CTNNA3: variants seen among roughly 807,000 people sequenced by gnomAD.
CTNNA3 encodes the protein catenin alpha 3.
A neutral mutation model predicts 95.7 loss-of-function variants in CTNNA3; 76 were observed. The observed-to-expected ratio is 0.79, with a 90% CI of 0.66 to 0.96. CTNNA3 has a LOEUF of 0.96. Among genes scored for constraint, CTNNA3 ranks in the 40% least tolerant of loss-of-function variants. CTNNA3 has a pLI of 0.00. For missense variants in CTNNA3, 1,191 were observed against 1,089.8 expected, an observed-to-expected ratio of 1.09 and a Z score of -1.31; for synonymous variants, 431 against 374.4, an observed-to-expected ratio of 1.15 and a Z score of -1.74.
intron 1 of CTNNA3, among the ~76,000 whole-genome samples, chr10:67,712,461 C>A (rs569040107): frequency 1.3e-5 from 2 of 152,334 alleles, no homozygotes; most frequent in South Asian, 2.1e-4. Flanking sequence ...AGAATGGTTT[C>A]ATGGGCTGGG....
intron 1 of CTNNA3, among the ~76,000 whole-genome samples, chr10:67,726,319 A>ATGATATTATCTTACATATTATATATGG: frequency 1.3e-5 from 1 of 77,240 alleles, no homozygotes; most frequent in South Asian, 4.1e-4. Context: ...CATATTATAT[A>ATGATATTATCTTACATATTATATATGG]TATTATCTTA....
Position 67,236,719 on chromosome 10 carries a change from A to G in CTNNA3, c.580-16849T>C, listed in dbSNP as rs573790593. 3.3e-5 allele frequency among the ~76,000 whole-genome samples: 5 copies of G among 152,196 alleles called. No individual in the cohort carries two copies. The South Asian group carries it at 1.0e-3, about 32-fold the overall frequency. On this transcript the variant is annotated intron_variant, in intron 5 of 17. Transcript: ENST00000433211. ...GAAGATATACAAATGGCCAACAAAC[A>G]TATGAAAAAATGCACATCACTAATG...
chr10:66,346,825 G>A lies in CTNNA3; in HGVS notation c.1732+32327C>T, dbSNP rs191724386. 2.0e-3 allele frequency among the ~76,000 whole-genome samples: 308 copies of A among 152,158 alleles called. 1 individual carries two copies. The highest frequency in any genetic ancestry group is 7.2e-3 in the African/African-American group (299 of 41,540). On this transcript the variant is annotated intron_variant, in intron 12 of 17. Transcript: ENST00000433211. ...GACTCATTGAAGGTGTTAGGTTGGG[G>A]AAAGAGTTGTAACCAAGTGTGAAAG... is the stretch of plus-strand genomic sequence containing the variant.
intron 16 of CTNNA3, among the ~76,000 whole-genome samples, chr10:65,974,172 G>A (rs2394154): frequency 0.86 from 130,408 of 152,180 alleles, 56,105 homozygotes; most frequent in African/African-American, 0.9. Flanking sequence ...CACTGTAGAA[G>A]GCAGTTTGGA....
intron 16 of CTNNA3, among the ~76,000 whole-genome samples, chr10:65,981,938 C>T (rs1223012515): frequency 1.3e-5 from 2 of 151,778 alleles, no homozygotes; most frequent in Non-Finnish European, 2.9e-5. Context: ...CTGGTTTCGG[C>T]AAAGACTCTG....
At chr10:66,734,175 A>G (rs1246048360) in intron 9 of CTNNA3, among the ~76,000 whole-genome samples, 5 of 151,966 alleles carry the variant, frequency 3.3e-5, no homozygotes, top group African/African-American at 1.2e-4. Context: ...GACTTTTTAA[A>G]GAAACTTCTT....
In CTNNA3 at chr10:66,722,294, T is replaced by C. The variant is rs190507643; in HGVS notation, c.1281+43970A>G. Among the ~76,000 whole-genome samples, 64 of 151,138 alleles carry C rather than the reference T, an allele frequency of 4.2e-4. 2 individuals carry two copies. The East Asian group carries it at 0.012, about 28-fold the overall frequency. On this transcript the variant is annotated intron_variant, in intron 9 of 17. Transcript: ENST00000433211. ...TGAGGAGGCTGAGGCAGGAGAAGGA[T>C]GTGAACCTGGGAGGCGGAGCTTGCA...
At chr10:67,165,508 C>T (rs899735263) in intron 7 of CTNNA3, among the ~76,000 whole-genome samples, 7 of 152,050 alleles carry the variant, frequency 4.6e-5, no homozygotes, top group Non-Finnish European at 1.0e-4. Context: ...TAATTTATGT[C>T]AATATGTCAA....
At chr10:66,038,745 C>G (rs1030482900) in intron 15 of CTNNA3, among the ~76,000 whole-genome samples, 1 of 151,992 alleles carries the variant, frequency 6.6e-6, no homozygotes, top group Non-Finnish European at 1.5e-5. Flanking sequence ...CTGGATACCT[C>G]AAAATAATAA....
intron 17 of CTNNA3, among the ~76,000 whole-genome samples, chr10:65,954,977 C>T (rs2077699031): frequency 6.6e-6 from 1 of 152,110 alleles, no homozygotes; most frequent in South Asian, 2.1e-4. Flanking sequence ...TTATCTTGGG[C>T]AGTATGACCA....
At chr10:66,206,252 A>T (rs1006506073) in intron 13 of CTNNA3, among the ~76,000 whole-genome samples, 5 of 151,906 alleles carry the variant, frequency 3.3e-5, no homozygotes, top group Admixed American at 3.3e-4. Flanking sequence ...TATAACACCA[A>T]CTTAGTCACT....
At chr10:66,145,646 C>T (rs1258004773) in intron 13 of CTNNA3, among the ~76,000 whole-genome samples, 1 of 152,150 alleles carries the variant, frequency 6.6e-6, no homozygotes, top group Admixed American at 6.5e-5. Flanking sequence ...TTTCATTGCA[C>T]TAACTTGGAC....
At chr10:67,291,277 C>T (rs963868913) in intron 5 of CTNNA3, among the ~76,000 whole-genome samples, 2 of 151,964 alleles carry the variant, frequency 1.3e-5, no homozygotes, top group Non-Finnish European at 2.9e-5. Context: ...ATAAAAATAA[C>T]CCCACTAATA....
intron 16 of CTNNA3, among the ~76,000 whole-genome samples, chr10:65,980,729 A>T (rs537305702): frequency 6.6e-6 from 1 of 152,040 alleles, no homozygotes; most frequent in Non-Finnish European, 1.5e-5. Context: ...ACATAAAAAA[A>T]TTTTAAAAAT....
chr10:67,302,580 G>A (rs1195707140), intron 5 of CTNNA3, among the ~76,000 whole-genome samples: 1 of 152,088 alleles, frequency 6.6e-6, no homozygotes, highest in Non-Finnish European at 1.5e-5. Context: ...TGGTAAATAA[G>A]TTATCACTGA....
chr10:66,352,232 T>C (rs942663011), intron 12 of CTNNA3, among the ~76,000 whole-genome samples: 13 of 152,084 alleles, frequency 8.5e-5, no homozygotes, highest in Admixed American at 7.9e-4. Context: ...GACTCAAACA[T>C]ACATGGGCTC....
At chr10:67,098,794 A>G (rs978966925) in intron 7 of CTNNA3, 2 of 151,934 alleles carry the variant, frequency 1.3e-5, no homozygotes, top group African/African-American at 4.8e-5. Flanking sequence ...ATAATTGTAC[A>G]GTAGCAATTT....
intron 5 of CTNNA3, among the ~76,000 whole-genome samples, chr10:67,236,734 C>G (rs987541759): frequency 1.3e-5 from 2 of 151,678 alleles, no homozygotes; most frequent in African/African-American, 4.8e-5. Context: ...AAAAAATGCA[C>G]ATCACTAATG....
At position 65,915,616 on chromosome 10, in the gene CTNNA3, C is replaced by G. The variant is rs564909202; in HGVS notation, c.*4714G>C. The G allele has an allele frequency of 6.6e-6, 1 of 152,144 alleles. No individual in the cohort carries two copies. The highest frequency in any genetic ancestry group is 2.4e-5 in the African/African-American group (1 of 41,438). The allele number at this position is 152,144 out of a possible 1,614,324, so 9.4% of individuals were successfully genotyped here. On this transcript the variant is annotated 3_prime_UTR_variant, in exon 18 of 18. Coordinates refer to ENST00000433211, the MANE Select transcript of CTNNA3 (RefSeq NM_013266.4). ...TGCAGCCAGCAGCCATAAAGCATCT[C>G]GTCTCAGAATAAAACTTATGGTCGG...
Sources: gnomAD v4.1 joint callset for allele counts (sites outside exome capture counted in the v4.1 genomes callset) on GRCh38, gnomAD v4.1.1 for gene constraint, MANE v1.5 for transcripts, NCBI Gene and HGNC (gene_info 2026-07-23, HGNC 2026-07-21) for gene names.